The following AQP1 variants were observed in gnomAD, a reference collection of about 807,000 sequenced individuals.
AQP1 encodes the protein aquaporin-1.
In AQP1, 11 loss-of-function variants were observed where a neutral mutation model predicts 19.7. The observed-to-expected ratio is 0.56, with a 90% CI of 0.35 to 0.92. The LOEUF (loss-of-function observed/expected upper bound fraction) is 0.92, where lower values mean the gene tolerates loss of function less well. AQP1 is among the 40% of genes least tolerant of loss of function. The pLI, the probability that AQP1 is intolerant of heterozygous loss-of-function variation, is 0.01. For missense variants in AQP1, 320 were observed against 369.7 expected (o/e 0.87, Z 1.10); for synonymous variants, 159 against 166.7 (o/e 0.95, Z 0.36).
At chr7:30,919,541 T>C (rs1791443869) in intron 1 of AQP1, among the ~76,000 whole-genome samples, 1 of 143,744 alleles carries the variant, frequency 7.0e-6, no homozygotes, top group African/African-American at 2.8e-5. Context: ...GAATTGAGAA[T>C]TGTTCTGATT....
chr7:30,914,717 C>T (rs1384437808), intron 1 of AQP1, among the ~76,000 whole-genome samples: 2 of 152,236 alleles, frequency 1.3e-5, no homozygotes, highest in African/African-American at 4.8e-5. Flanking sequence ...CTCTCTGGCC[C>T]TGAGCCCCAG....
In AQP1 at chr7:30,912,472, C is replaced by T. The variant is rs1791192496; in HGVS notation, c.384+179C>T. On this transcript the variant is annotated intron_variant, in intron 1 of 3. Transcript: ENST00000311813. This position sits in a 1 kb window ranked among gnomAD's most constrained non-coding sequence, Gnocchi z 4.3. ...GGCTGGAACTCAGCTATGCATGCCT[C>T]CCAAAGCCTGTTTTCTGCCAGGCAC... is the stretch of plus-strand genomic sequence containing the variant. Among the ~76,000 whole-genome samples, 1 of 152,202 alleles carries T rather than the reference C, an allele frequency of 6.6e-6. No homozygotes were observed. Among genetic ancestry groups the T allele is most frequent in the South Asian group, 2.1e-4 (1 of 4,822 alleles).
At chr7:30,914,816 G>A (rs1421596971) in intron 1 of AQP1, among the ~76,000 whole-genome samples, 1 of 152,266 alleles carries the variant, frequency 6.6e-6, no homozygotes, top group Non-Finnish European at 1.5e-5. Context: ...GTTGGGGTGA[G>A]TCAGGGGGTG....
rs770124156 is a variant in AQP1, at chr7:30,912,055, A to G, written c.146A>G (p.Asn49Ser). 117 of 1,613,348 alleles carry G rather than the reference A, an allele frequency of 7.3e-5. No individual in the cohort carries two copies. The Admixed American group carries it at 1.0e-3, about 14-fold the overall frequency. Reference sequence around the variant, plus strand: ...AACAACCAGACGGCGGTCCAGGACAACGTGAAGGTGTCGCTGGCCTTCGGG... The same window carrying G: ...AACAACCAGACGGCGGTCCAGGACAGCGTGAAGGTGTCGCTGGCCTTCGGG... ...VGNNQTAVQD[N>S]VKVSLAFGLS... The change falls in exon 1 of 4, where the codon AAC becomes AGC. Residue 49 changes from asparagine to serine, a missense_variant. By Grantham distance (46) the Asn-to-Ser change is conservative (BLOSUM62 1). Transcript: ENST00000311813. The surrounding 1 kb of genome is among the most constrained non-coding windows in gnomAD (Gnocchi z 4.3).
chr7:30,923,390 G>A lies in AQP1; in HGVS notation c.631-60G>A, dbSNP rs1791579152. The stretch of plus-strand genomic sequence containing the variant: ...GGGTGGTGGGCTGTGGGGTAACCTA[G>A]GGAACGCTTCCCAGGGGCTTTTGAG... On this transcript the variant is annotated intron_variant, in intron 3 of 3. Transcript: ENST00000311813. The surrounding 1 kb of genome is among the most constrained non-coding windows in gnomAD (Gnocchi z 4.8). 6.2e-7 allele frequency: 1 copy of A among 1,611,196 alleles called. No individual in the cohort carries two copies. The highest frequency in any genetic ancestry group is 1.7e-5 in the Admixed American group (1 of 59,906).
At chr7:30,921,957 G>A in intron 1 of AQP1, 109 bp from the exon 2 acceptor site, 1 of 1,576,246 alleles carries the variant, frequency 6.3e-7, no homozygotes, top group South Asian at 1.1e-5. Flanking sequence ...GCCCATCTGA[G>A]GGTCCGCCCT....
intron 1 of AQP1, among the ~76,000 whole-genome samples, chr7:30,920,537 G>C (rs990307430): frequency 6.6e-6 from 1 of 152,196 alleles, no homozygotes; most frequent in Non-Finnish European, 1.5e-5. Context: ...CTCCTGCGTC[G>C]ACAACTCTTT....
chr7:30,921,688 C>T, intron 1 of AQP1: 1 of 1,550,952 alleles, frequency 6.4e-7, no homozygotes, highest in South Asian at 1.2e-5. Context: ...TAGGAGTGCT[C>T]CTGACCATCA....
At position 30,912,287 on chromosome 7, in the gene AQP1, C is replaced by T. The variant is rs761024461; in HGVS notation, c.378C>T (p.Arg126=). The stretch of plus-strand genomic sequence containing the variant: ...CCCTGACTGGGAACTCGCTTGGCCG[C>T]AATGACGTGAGTGGGGTGTCCCTGG... ...TSSLTGNSLG[R]NDLADGVNSG... The change falls in exon 1 of 4, where the codon CGC becomes CGT. Residue 126 remains arginine (R), a synonymous_variant. Coordinates refer to ENST00000311813, the MANE Select transcript of AQP1 (RefSeq NM_198098.4). The surrounding 1 kb of genome is among the most constrained non-coding windows in gnomAD (Gnocchi z 4.3). 8.1e-6 allele frequency: 13 copies of T among 1,600,756 alleles called. No homozygotes were observed. In the South Asian group the frequency reaches 1.3e-4, roughly 16 times the overall value.
In AQP1 at chr7:30,925,320, G is replaced by A. The variant is rs1044662923; in HGVS notation, c.*1691G>A. On this transcript the variant is annotated 3_prime_UTR_variant, in exon 4 of 4. Transcript: ENST00000311813. Reference sequence around the variant, plus strand: ...GATTCCTCTCATTTCCAGCTTCTCAGTTTCTGCCTGGGCAATGGCCAGGGG... The same window carrying A: ...GATTCCTCTCATTTCCAGCTTCTCAATTTCTGCCTGGGCAATGGCCAGGGG... The A allele has an allele frequency of 3.3e-5, 5 of 152,192 alleles. No homozygotes were observed. Among genetic ancestry groups the A allele is most frequent in the Admixed American group, 3.3e-4 (5 of 15,286 alleles). 9.4% of individuals were successfully genotyped at this position (152,192 alleles called of 1,614,324 possible).
At chr7:30,920,491 A>C (rs1791471752) in intron 1 of AQP1, among the ~76,000 whole-genome samples, 1 of 152,232 alleles carries the variant, frequency 6.6e-6, no homozygotes, top group Non-Finnish European at 1.5e-5. Context: ...CACAATGAGA[A>C]GAACCAAAAC....
chr7:30,914,512 G>A (rs1454198505), intron 1 of AQP1, among the ~76,000 whole-genome samples: 1 of 152,220 alleles, frequency 6.6e-6, no homozygotes, highest in Non-Finnish European at 1.5e-5. Context: ...TGTCCCAACA[G>A]TGGAAGGGTG....
rs750461875 is a variant in AQP1, at chr7:30,923,590, C to T, written c.771C>T (p.Ala257=). ...SGQVEEYDLD[A]DDINSRVEMK... is the part of the protein sequence containing the mutation. ...AGGTGGAGGAGTATGACCTGGATGC[C>T]GACGACATCAACTCCAGGGTGGAGA... is the stretch of plus-strand genomic sequence containing the variant. The change falls in exon 4 of 4, where the codon GCC becomes GCT. Residue 257 remains alanine (A), a synonymous_variant. Coordinates refer to ENST00000311813, the MANE Select transcript of AQP1 (RefSeq NM_198098.4). The surrounding 1 kb of genome is among the most constrained non-coding windows in gnomAD (Gnocchi z 4.8). 26 of 1,604,576 alleles carry T rather than the reference C, an allele frequency of 1.6e-5. No homozygotes were observed. Among genetic ancestry groups the T allele is most frequent in the East Asian group, 9.4e-5 (4 of 42,612 alleles).
At chr7:30,914,274 T>C (rs897733363) in intron 1 of AQP1, among the ~76,000 whole-genome samples, 2 of 152,106 alleles carry the variant, frequency 1.3e-5, no homozygotes, top group Non-Finnish European at 2.9e-5. Context: ...GACACCTGGG[T>C]TCAAGACGTG....
chr7:30,915,780 G>A (rs533326250), intron 1 of AQP1, among the ~76,000 whole-genome samples: 9 of 152,256 alleles, frequency 5.9e-5, no homozygotes, highest in East Asian at 3.9e-4. Context: ...CCTTTATCCC[G>A]TTTTTCTGGG....
chr7:30,921,644 G>C, intron 1 of AQP1: 1 of 1,550,890 alleles, frequency 6.4e-7, no homozygotes, highest in Non-Finnish European at 8.7e-7. Context: ...CGTGTCCCCT[G>C]CTGGGCCTTC....
Position 30,923,900 on chromosome 7 carries a change from C to T in AQP1, c.*271C>T, listed in dbSNP as rs748504652. ...GTGGAGGAGGTGAAAGAAAGGGACC[C>T]ACCTGCTAGTCGCCCCTCAGAGCAT... On this transcript the variant is annotated 3_prime_UTR_variant, in exon 4 of 4. Coordinates refer to ENST00000311813, the MANE Select transcript of AQP1 (RefSeq NM_198098.4). The surrounding 1 kb of genome is among the most constrained non-coding windows in gnomAD (Gnocchi z 4.8). 16 of 1,473,226 alleles carry T rather than the reference C, an allele frequency of 1.1e-5. No individual in the cohort carries two copies. In the African/African-American group the frequency reaches 2.1e-4, roughly 19 times the overall value. 91.3% of individuals were successfully genotyped at this position (1,473,226 alleles called of 1,614,324 possible). A position where few individuals can be genotyped will look rare whatever the true frequency, so the allele number is the denominator to read the frequency against.
intron 1 of AQP1, among the ~76,000 whole-genome samples, chr7:30,918,063 C>T (rs904455775): frequency 2.6e-5 from 4 of 151,544 alleles, no homozygotes; most frequent in African/African-American, 9.7e-5. Context: ...GGCACCATCT[C>T]GGCTCACTGC....
chr7:30,921,874 G>A (rs758602553), intron 1 of AQP1, 192 bp from the exon 2 acceptor site: 7 of 1,536,578 alleles, frequency 4.6e-6, no homozygotes, highest in Admixed American at 2.0e-5. Flanking sequence ...ATTAACACAG[G>A]GGGTGGGTTC....
Sources: allele counts gnomAD v4.1 joint callset (sites outside exome capture counted in the v4.1 genomes callset), GRCh38; gene constraint gnomAD v4.1.1; non-coding constraint Gnocchi (gnomAD v3.1); transcripts MANE v1.5; gene names NCBI Gene and HGNC (gene_info 2026-07-23, HGNC 2026-07-21).